PAK5: variants seen among roughly 807,000 people sequenced by gnomAD.
The protein encoded by PAK5 is serine/threonine-protein kinase PAK 5.
A neutral mutation model predicts 65.9 loss-of-function variants in PAK5; 16 were observed. The ratio of observed to expected loss-of-function variants is 0.24; its 90% confidence interval spans 0.16 to 0.37. PAK5 has a LOEUF of 0.37. Ranked by LOEUF, PAK5 falls within the 10% of genes least tolerant of loss-of-function variation. The pLI is 1.00. For synonymous variants in PAK5, 371 were observed against 354.9 expected, an observed-to-expected ratio of 1.05 and a Z score of -0.51; for missense variants, 785 against 903.9, an observed-to-expected ratio of 0.87 and a Z score of 1.69.
chr20:9,564,712 A>T (rs2045645577), intron 5 of PAK5, among the ~76,000 whole-genome samples: 2 of 152,154 alleles, frequency 1.3e-5, no homozygotes, highest in African/African-American at 4.8e-5. Context: ...TCAGATATGA[A>T]GCCAAAGACT....
intron 2 of PAK5, among the ~76,000 whole-genome samples, chr20:9,648,326 T>G (rs1211274101): frequency 2.0e-5 from 3 of 152,158 alleles, no homozygotes; most frequent in Non-Finnish European, 4.4e-5. Flanking sequence ...GGACTGATTG[T>G]AACAACACAT....
intron 1 of PAK5, among the ~76,000 whole-genome samples, chr20:9,733,789 C>T (rs2048359834): frequency 6.6e-6 from 1 of 152,160 alleles, no homozygotes; most frequent in Admixed American, 6.6e-5. Context: ...TAGTTCCTGC[C>T]ATGATGGCTG....
chr20:9,610,317 G>A lies in PAK5; in HGVS notation c.205-29387C>T, dbSNP rs2046535101. On this transcript the variant is annotated intron_variant, in intron 3 of 9. Coordinates refer to ENST00000353224, the MANE Select transcript of PAK5 (RefSeq NM_177990.4). ...ATAATCATTACTAAACACTTCCCTTGCATGCTGCCCCTAGGTAGAGCTTGA... is the reference window on the plus strand; with the variant it reads ...ATAATCATTACTAAACACTTCCCTTACATGCTGCCCCTAGGTAGAGCTTGA... 2.0e-5 allele frequency among the ~76,000 whole-genome samples: 3 copies of A among 152,174 alleles called. No individual in the cohort carries two copies. In the South Asian group the frequency reaches 6.2e-4, roughly 32 times the overall value.
intron 4 of PAK5, among the ~76,000 whole-genome samples, chr20:9,575,303 T>C (rs979622901): frequency 4.6e-5 from 7 of 152,182 alleles, no homozygotes; most frequent in African/African-American, 9.7e-5. Flanking sequence ...CAAAGGATTG[T>C]CTTGGCCTCC....
intron 2 of PAK5, among the ~76,000 whole-genome samples, chr20:9,651,041 A>T (rs551380518): frequency 6.6e-6 from 1 of 152,286 alleles, no homozygotes; most frequent in South Asian, 2.1e-4. Context: ...TTTATCAAAC[A>T]ATCTTATTGC....
chr20:9,552,724 GTTTT>G (rs11471167), intron 7 of PAK5, among the ~76,000 whole-genome samples: 1 of 141,212 alleles, frequency 7.1e-6, no homozygotes. Context: ...AAATTTTTTA[GTTTT>G]TTTTTTTTTT....
At chr20:9,555,509 C>A (rs902149223) in intron 7 of PAK5, among the ~76,000 whole-genome samples, 1 of 152,160 alleles carries the variant, frequency 6.6e-6, no homozygotes, top group Non-Finnish European at 1.5e-5. Context: ...AATTGCTCTG[C>A]TAGACCAGTT....
chr20:9,589,497 G>T (rs1278542393), intron 3 of PAK5, among the ~76,000 whole-genome samples: 1 of 152,110 alleles, frequency 6.6e-6, no homozygotes, highest in African/African-American at 2.4e-5. Flanking sequence ...AACAACAGTG[G>T]TTGGGGCTAA....
intron 3 of PAK5, among the ~76,000 whole-genome samples, chr20:9,621,175 A>C (rs954187298): frequency 6.6e-6 from 1 of 152,138 alleles, no homozygotes; most frequent in African/African-American, 2.4e-5. Context: ...CTGAGACATG[A>C]GGTTTAGACT....
intron 1 of PAK5, among the ~76,000 whole-genome samples, chr20:9,768,124 T>C (rs1378278290): frequency 6.6e-6 from 1 of 152,198 alleles, no homozygotes; most frequent in African/African-American, 2.4e-5. Context: ...TTGATTACTA[T>C]GGGCACGTAA....
chr20:9,635,190 T>G (rs1420529744), intron 3 of PAK5, among the ~76,000 whole-genome samples: 11 of 152,230 alleles, frequency 7.2e-5, no homozygotes, highest in Non-Finnish European at 1.6e-4. Flanking sequence ...ATCATTAAGT[T>G]GGAAGAACTT....
At chr20:9,670,948 G>C (rs2047488236) in intron 2 of PAK5, among the ~76,000 whole-genome samples, 1 of 152,142 alleles carries the variant, frequency 6.6e-6, no homozygotes, top group Non-Finnish European at 1.5e-5. Context: ...ATTAATTTTT[G>C]TATAAGGTGT....
At chr20:9,597,430 C>T (rs928642852) in intron 3 of PAK5, among the ~76,000 whole-genome samples, 3 of 152,132 alleles carry the variant, frequency 2.0e-5, no homozygotes, top group African/African-American at 7.2e-5. Context: ...AAGCACTGAC[C>T]CTTTATGTGA....
At chr20:9,553,748 G>T (rs190797123) in intron 7 of PAK5, among the ~76,000 whole-genome samples, 1 of 151,938 alleles carries the variant, frequency 6.6e-6, no homozygotes, top group Non-Finnish European at 1.5e-5. Flanking sequence ...TTAATCATTC[G>T]CCCTTTGAAG....
At chr20:9,704,243 G>C (rs1053180653) in intron 2 of PAK5, among the ~76,000 whole-genome samples, 2 of 152,178 alleles carry the variant, frequency 1.3e-5, no homozygotes, top group Non-Finnish European at 2.9e-5. Flanking sequence ...CCAGAGATTA[G>C]TCTCCTTTAA....
intron 1 of PAK5, among the ~76,000 whole-genome samples, chr20:9,745,774 A>C (rs2048500400): frequency 1.3e-5 from 2 of 152,132 alleles, no homozygotes; most frequent in Admixed American, 1.3e-4. Context: ...TAACGTTTTA[A>C]ATGAATGAAG....
chr20:9,649,944 G>C (rs935793863), intron 2 of PAK5, among the ~76,000 whole-genome samples: 2 of 152,156 alleles, frequency 1.3e-5, no homozygotes, highest in African/African-American at 4.8e-5. Context: ...GTTCATTCAA[G>C]TAGGAAGAAA....
intron 3 of PAK5, among the ~76,000 whole-genome samples, chr20:9,599,494 C>T (rs879749928): frequency 7.2e-5 from 11 of 152,294 alleles, no homozygotes; most frequent in Non-Finnish European, 1.2e-4. Flanking sequence ...CCAATGTCTC[C>T]GCATCCTTGA....
intron 5 of PAK5, 108 bp downstream of exon 5, chr20:9,565,785 A>G: frequency 1.7e-6 from 2 of 1,172,636 alleles, no homozygotes; most frequent in Admixed American, 2.3e-5. Context: ...TTTTGTCTTT[A>G]TATTTTCAGT....
Sources: allele counts gnomAD v4.1 joint callset (sites outside exome capture counted in the v4.1 genomes callset), GRCh38; gene constraint gnomAD v4.1.1; transcripts MANE v1.5; gene names NCBI Gene and HGNC (gene_info 2026-07-23, HGNC 2026-07-21).